FANCD2: variants seen among roughly 807,000 people sequenced by gnomAD.
FANCD2 encodes the protein Fanconi anemia group D2 protein.
Under a neutral mutation model 192.3 loss-of-function variants are expected in FANCD2, and 131 were observed. That is an observed-to-expected ratio of 0.68 (90% CI 0.59 to 0.79). The LOEUF is 0.79. Ranked by LOEUF, FANCD2 falls within the 30% of genes least tolerant of loss-of-function variation. The pLI is 0.00. For synonymous variants in FANCD2, 524 were observed against 612.5 expected (o/e 0.86, Z 2.13); for missense variants, 1,508 against 1,701.6 (o/e 0.89, Z 2.00).
chr3:10,073,423 C>T lies in FANCD2; in HGVS notation c.2715+61C>T, dbSNP rs964408402. The T allele has an allele frequency of 4.8e-6, 6 of 1,241,926 alleles. No homozygotes were observed. In the African/African-American group the frequency reaches 8.9e-5, roughly 18 times the overall value. 76.9% of individuals were successfully genotyped at this position (1,241,926 alleles called of 1,614,324 possible). On this transcript the variant is annotated intron_variant, in intron 28 of 43. Transcript: ENST00000675286. Reference sequence around the variant, plus strand: ...CATCCCAGTGAGATTAACAGAAACCCAGCTTTATTCTCGGCATTTTACAAA... The same window carrying T: ...CATCCCAGTGAGATTAACAGAAACCTAGCTTTATTCTCGGCATTTTACAAA...
chr3:10,061,577 G>C (rs750459687), intron 19 of FANCD2, among the ~76,000 whole-genome samples: 20 of 152,258 alleles, frequency 1.3e-4, no homozygotes, highest in Non-Finnish European at 2.2e-4. Context: ...TTACCTCATA[G>C]AGTCATTGAG....
chr3:10,086,518 G>T (rs1229189781), intron 33 of FANCD2, among the ~76,000 whole-genome samples: 3 of 151,890 alleles, frequency 2.0e-5, no homozygotes, highest in African/African-American at 7.2e-5. Flanking sequence ...TTGAGAGAGA[G>T]TCTCACTTTG....
At chr3:10,067,121 T>G (rs575603964) in intron 25 of FANCD2, 88 bp from the exon 26 acceptor site, 2 of 871,028 alleles carry the variant, frequency 2.3e-6, no homozygotes, top group Admixed American at 4.0e-5. Flanking sequence ...TTGCTTTTCA[T>G]AGACATCTCT....
chr3:10,081,548 A>G, intron 32 of FANCD2, 84 bp downstream of exon 32: 5 of 975,778 alleles, frequency 5.1e-6, no homozygotes, highest in Non-Finnish European at 8.3e-6. Context: ...TGTAGAAAAG[A>G]AAGAAAAGGT....
intron 36 of FANCD2, among the ~76,000 whole-genome samples, chr3:10,089,689 T>G (rs1307053067): frequency 6.6e-6 from 1 of 152,088 alleles, no homozygotes; most frequent in Non-Finnish European, 1.5e-5. Flanking sequence ...AGGCTAGTCT[T>G]GAACCCAACC....
At chr3:10,034,065 C>T (rs1362134019) in intron 3 of FANCD2, among the ~76,000 whole-genome samples, 1 of 149,222 alleles carries the variant, frequency 6.7e-6, no homozygotes, top group Non-Finnish European at 1.5e-5. Flanking sequence ...TGGCTTATGC[C>T]TGTAATCCCA....
At chr3:10,045,929 C>A (rs1386371427) in intron 14 of FANCD2, among the ~76,000 whole-genome samples, 1 of 151,528 alleles carries the variant, frequency 6.6e-6, no homozygotes, top group African/African-American at 2.4e-5. Flanking sequence ...ACTGAAAATA[C>A]ATACTGTAGT....
intron 36 of FANCD2, 103 bp downstream of exon 36, chr3:10,089,053 C>A: frequency 2.3e-6 from 3 of 1,292,918 alleles, no homozygotes; most frequent in Non-Finnish European, 2.2e-6. Context: ...GAGGCTGAGG[C>A]AGGAGGATCA....
At chr3:10,044,536 T>A (rs2086948653) in intron 14 of FANCD2, among the ~76,000 whole-genome samples, 1 of 152,042 alleles carries the variant, frequency 6.6e-6, no homozygotes, top group African/African-American at 2.4e-5. Flanking sequence ...CCTGGCCTGG[T>A]GGCACACGCC....
In FANCD2 at chr3:10,101,599, G is replaced by A; in HGVS notation, c.*337G>A. On this transcript the variant is annotated 3_prime_UTR_variant, in exon 44 of 44. Transcript: ENST00000675286. The stretch of plus-strand genomic sequence containing the variant: ...CGGGGTTTTACCATGTCGGCCAGAT[G>A]GTCTCAATCTCCTGAACTCATGATC... 2.7e-6 allele frequency: 1 copy of A among 367,152 alleles called. No individual in the cohort carries two copies. The highest frequency in any genetic ancestry group is 5.1e-6 in the Non-Finnish European group (1 of 194,408). The allele number at this position is 367,152 out of a possible 1,614,324, so 22.7% of individuals were successfully genotyped here. A position where few individuals can be genotyped will look rare whatever the true frequency, so the allele number is the denominator to read the frequency against.
Position 10,062,901 on chromosome 3 carries a change from A to G in FANCD2, c.1827+690A>G, listed in dbSNP as rs35700074. Among the ~76,000 whole-genome samples, 372 of 152,106 alleles carry G rather than the reference A, an allele frequency of 2.4e-3. 2 individuals carry two copies. The East Asian group carries it at 0.027, about 11-fold the overall frequency. ...GGTTTCACCATGTTGGGGTTTCGCTATGTTGACCAGGCTGGTCTCAAACTC... is the reference window on the plus strand; with the variant it reads ...GGTTTCACCATGTTGGGGTTTCGCTGTGTTGACCAGGCTGGTCTCAAACTC... On this transcript the variant is annotated intron_variant, in intron 20 of 43. Coordinates refer to ENST00000675286, the MANE Select transcript of FANCD2 (RefSeq NM_001018115.3).
At position 10,094,277 on chromosome 3, in the gene FANCD2, T is replaced by C; in HGVS notation, c.3889-12T>C. The C allele has an allele frequency of 1.2e-6, 2 of 1,611,482 alleles. No homozygotes were observed. Among genetic ancestry groups the C allele is most frequent in the East Asian group, 2.2e-5 (1 of 44,866 alleles). Reference sequence around the variant, plus strand: ...CCTCAGCTAGAGGTAACAGTGTGTCTCTCTTCTTCAGTATGGGCGTCTCTT... The same window carrying C: ...CCTCAGCTAGAGGTAACAGTGTGTCCCTCTTCTTCAGTATGGGCGTCTCTT... On this transcript the variant is annotated splice_polypyrimidine_tract_variant and intron_variant, in intron 39 of 43. Transcript: ENST00000675286.
In FANCD2 at chr3:10,039,828, T is replaced by A. The variant is rs996789438; in HGVS notation, c.678T>A (p.Asp226Glu). Residue 226 changes from aspartate (D) to glutamate (E), a missense_variant, in exon 9 of 44, where the codon GAT (aspartate) becomes GAA (glutamate). Coordinates refer to ENST00000675286, the MANE Select transcript of FANCD2 (RefSeq NM_001018115.3). ...PEILGDSQHA[D>E]VGKELSDLLI... ...TCCTAGGGGATTCCCAGCACGCTGA[T>A]GTGGGGAAAGAACTCAGGTGGATAA... 1.2e-6 allele frequency: 2 copies of A among 1,613,800 alleles called. No homozygotes were observed. Among genetic ancestry groups the A allele is most frequent in the African/African-American group, 1.3e-5 (1 of 74,828 alleles).
chr3:10,097,939 C>G (rs1695074409), intron 42 of FANCD2, among the ~76,000 whole-genome samples: 1 of 152,152 alleles, frequency 6.6e-6, no homozygotes, highest in Admixed American at 6.5e-5. Context: ...GTTTGGGGTC[C>G]CTGACTTCCC....
chr3:10,036,390 C>G (rs1178324331), intron 7 of FANCD2, 51 bp downstream of exon 7: 5 of 1,361,482 alleles, frequency 3.7e-6, no homozygotes, highest in Non-Finnish European at 5.3e-6. Context: ...TACTTAAGTT[C>G]TCTCTGAAAA....
intron 42 of FANCD2, among the ~76,000 whole-genome samples, chr3:10,097,453 C>T (rs943324052): frequency 8.9e-4 from 135 of 152,318 alleles, no homozygotes; most frequent in African/African-American, 3.1e-3. Flanking sequence ...TTCTCAGGGA[C>T]GTTCCATGCT....
At position 10,034,498 on chromosome 3, in the gene FANCD2, CTCTT is replaced by C; in HGVS notation, c.238_241del (p.Phe80ArgfsTer3). On this transcript the variant is annotated frameshift_variant, in exon 4 of 44. Coordinates refer to ENST00000675286, the MANE Select transcript of FANCD2 (RefSeq NM_001018115.3). LOFTEE classifies it high-confidence loss of function. ...GGATCAAATAGCTTTCCAAAAGAAGCTCTTTCAGACCCTGAGGAGACACCCTTCC... is the reference window on the plus strand; with the variant it reads ...GGATCAAATAGCTTTCCAAAAGAAGCTCAGACCCTGAGGAGACACCCTTCC... The C allele has an allele frequency of 1.2e-6, 2 of 1,613,176 alleles. No individual in the cohort carries two copies. The highest frequency in any genetic ancestry group is 1.7e-6 in the Non-Finnish European group (2 of 1,179,224).
At chr3:10,034,212 T>A (rs2124973833) in intron 3 of FANCD2, among the ~76,000 whole-genome samples, 1 of 137,062 alleles carries the variant, frequency 7.3e-6, no homozygotes, top group Non-Finnish European at 1.5e-5. Flanking sequence ...TAGTCCCAGC[T>A]ACTTGGGGGG....
intron 9 of FANCD2, chr3:10,040,725 T>C (rs1482150162): frequency 2.8e-6 from 1 of 359,584 alleles, no homozygotes; most frequent in East Asian, 7.6e-5. Context: ...TAAATTCAGT[T>C]TGTAATACTT....
Sources: allele counts gnomAD v4.1 joint callset (sites outside exome capture counted in the v4.1 genomes callset), GRCh38; gene constraint gnomAD v4.1.1; transcripts MANE v1.5; gene names NCBI Gene and HGNC (gene_info 2026-07-23, HGNC 2026-07-21).